Variants in TNIK observed in about 807,000 individuals in gnomAD.
TNIK encodes the protein TRAF2 and NCK interacting kinase, also known as TRAF2 and NCK-interacting protein kinase.
TNIK carries 49 observed loss-of-function variants against 191.3 expected under a neutral mutation model. That is an observed-to-expected ratio of 0.26 (90% confidence interval 0.20 to 0.32). The LOEUF (loss-of-function observed/expected upper bound fraction) is 0.32, where lower values mean the gene tolerates loss of function less well. Ranked by LOEUF, TNIK falls within the 10% of genes least tolerant of loss-of-function variation. The pLI, the probability that TNIK is intolerant of heterozygous loss-of-function variation, is 1.00. For synonymous variants in TNIK, 594 were observed against 600.9 expected (o/e 0.99, Z 0.17); for missense variants, 1,155 against 1,702.3 (o/e 0.68, Z 5.66).
intron 18 of TNIK, among the ~76,000 whole-genome samples, chr3:171,113,211 C>T (rs1358998225): frequency 3.3e-5 from 5 of 152,098 alleles, no homozygotes; most frequent in Non-Finnish European, 7.4e-5. Context: ...GTTCATGTAG[C>T]TTGTGGAGTC....
chr3:171,204,171 C>T (rs922713301), intron 4 of TNIK, among the ~76,000 whole-genome samples: 1 of 152,108 alleles, frequency 6.6e-6, no homozygotes, highest in Non-Finnish European at 1.5e-5. Flanking sequence ...GCCTTGTTTC[C>T]GAGAGATCAG....
chr3:171,162,872 A>T (rs73169797), intron 10 of TNIK, among the ~76,000 whole-genome samples: 14,390 of 152,282 alleles, frequency 0.094, 968 homozygotes, highest in African/African-American at 0.18. Flanking sequence ...TTTCCAACAT[A>T]TTATATGCTA....
At chr3:171,064,002 G>T in intron 32 of TNIK, 38 bp from the exon 33 acceptor site, 1 of 1,586,380 alleles carries the variant, frequency 6.3e-7, no homozygotes, top group East Asian at 2.2e-5. Context: ...CAACTGCATG[G>T]TCTTTTCCCC....
rs540239111 is a variant in TNIK at position 171,137,326 on chromosome 3, A to G, written c.1608+865T>C. Among the ~76,000 whole-genome samples, 4 of 152,076 alleles carry G rather than the reference A, an allele frequency of 2.6e-5. No individual in the cohort carries two copies. The South Asian group carries it at 6.3e-4, about 24-fold the overall frequency. The stretch of plus-strand genomic sequence containing the variant: ...AAAAAAGCGTGAGCTATCAATATCT[A>G]AAGATTCTAGATAAAAATACAAAAT... On this transcript the variant is annotated intron_variant, in intron 15 of 32. Transcript: ENST00000436636.
At chr3:171,300,984 C>T (rs945076055) in intron 2 of TNIK, among the ~76,000 whole-genome samples, 1 of 152,142 alleles carries the variant, frequency 6.6e-6, no homozygotes, top group Non-Finnish European at 1.5e-5. Context: ...ATGTCAAAAA[C>T]TTTGGGTAAA....
chr3:171,170,979 G>T (rs1577028750), intron 9 of TNIK, among the ~76,000 whole-genome samples: 1 of 152,128 alleles, frequency 6.6e-6, no homozygotes, highest in African/African-American at 2.4e-5. Flanking sequence ...TTGAGCCCAG[G>T]AGTTTGAGGC....
intron 2 of TNIK, among the ~76,000 whole-genome samples, chr3:171,245,922 C>G (rs2109059550): frequency 6.6e-6 from 1 of 151,854 alleles, no homozygotes; most frequent in African/African-American, 2.4e-5. Flanking sequence ...GAGAGAGAAA[C>G]AGACAGACAG....
intron 28 of TNIK, among the ~76,000 whole-genome samples, chr3:171,077,653 T>TC (rs1433911978): frequency 2.6e-5 from 4 of 152,148 alleles, no homozygotes; most frequent in African/African-American, 9.7e-5. Context: ...TCTCAGGCCT[T>TC]CAGATTTGAA....
intron 1 of TNIK, among the ~76,000 whole-genome samples, chr3:171,381,369 T>C (rs1252641693): frequency 6.6e-6 from 1 of 152,222 alleles, no homozygotes; most frequent in Non-Finnish European, 1.5e-5. Context: ...TAATGTACCC[T>C]GTGAATCTCC....
intron 1 of TNIK, among the ~76,000 whole-genome samples, chr3:171,370,328 C>G (rs1489299372): frequency 6.6e-6 from 1 of 152,196 alleles, no homozygotes; most frequent in Non-Finnish European, 1.5e-5. Flanking sequence ...AGAATGCAAA[C>G]TAAATTGGAG....
chr3:171,279,769 G>C (rs1411265594), intron 2 of TNIK, among the ~76,000 whole-genome samples: 2 of 152,098 alleles, frequency 1.3e-5, no homozygotes, highest in Non-Finnish European at 2.9e-5. Context: ...CTACATGGGG[G>C]TATTATGATC....
At chr3:171,361,727 G>GA (rs1457211454) in intron 2 of TNIK, among the ~76,000 whole-genome samples, 1 of 152,062 alleles carries the variant, frequency 6.6e-6, no homozygotes, top group Non-Finnish European at 1.5e-5. Context: ...AAGATAACAG[G>GA]AATCTGCCAC....
chr3:171,419,967 A>AG (rs1723553768), intron 1 of TNIK, among the ~76,000 whole-genome samples: 1 of 152,140 alleles, frequency 6.6e-6, no homozygotes, highest in Non-Finnish European at 1.5e-5. Context: ...TGTTCTATGA[A>AG]CATGTTTGTG....
intron 12 of TNIK, among the ~76,000 whole-genome samples, chr3:171,145,992 C>A (rs939212189): frequency 6.6e-6 from 1 of 152,148 alleles, no homozygotes; most frequent in African/African-American, 2.4e-5. Context: ...TTATTCATTG[C>A]ACTACTTACT....
intron 10 of TNIK, 31 bp from the exon 11 acceptor site, chr3:171,161,367 A>G: frequency 6.2e-7 from 1 of 1,603,240 alleles, no homozygotes. Context: ...GTTAGTGCAC[A>G]AAAAGATGCT....
chr3:171,106,480 T>C (rs533024524), intron 21 of TNIK, among the ~76,000 whole-genome samples: 1 of 152,314 alleles, frequency 6.6e-6, no homozygotes, highest in South Asian at 2.1e-4. Flanking sequence ...GCCATGATGG[T>C]AGTCTTTAGA....
At chr3:171,248,541 G>T (rs1161925375) in intron 2 of TNIK, among the ~76,000 whole-genome samples, 1 of 152,150 alleles carries the variant, frequency 6.6e-6, no homozygotes, top group African/African-American at 2.4e-5. Context: ...AGTTTCATGG[G>T]GACTGAGAGA....
intron 2 of TNIK, among the ~76,000 whole-genome samples, chr3:171,363,488 T>C (rs1715271300): frequency 6.6e-6 from 1 of 152,212 alleles, no homozygotes; most frequent in South Asian, 2.1e-4. Context: ...ATGTATTCTT[T>C]ATGTTAGAAA....
At chr3:171,320,666 A>G (rs1755076869) in intron 2 of TNIK, among the ~76,000 whole-genome samples, 1 of 152,224 alleles carries the variant, frequency 6.6e-6, no homozygotes, top group African/African-American at 2.4e-5. Context: ...TGATTCAGAA[A>G]CAAACAAACT....
Sources: gnomAD v4.1 joint callset for allele counts (sites outside exome capture counted in the v4.1 genomes callset) on GRCh38, gnomAD v4.1.1 for gene constraint, MANE v1.5 for transcripts, NCBI Gene and HGNC (gene_info 2026-07-23, HGNC 2026-07-21) for gene names.